The following UBE2H variants were observed in gnomAD, a reference collection of about 807,000 sequenced individuals.
The protein encoded by UBE2H is ubiquitin-conjugating enzyme E2 H.
UBE2H carries 3 observed loss-of-function variants against 29.0 expected under a neutral mutation model. That is an observed-to-expected ratio of 0.10 (90% CI 0.05 to 0.27). The LOEUF is 0.27. Ranked by LOEUF, UBE2H falls within the 10% of genes least tolerant of loss-of-function variation. The pLI, the probability that UBE2H is intolerant of heterozygous loss-of-function variation, is 1.00. For missense variants in UBE2H, 68 were observed against 228.2 expected (o/e 0.30, Z 4.52); for synonymous variants, 69 against 82.9 (o/e 0.83, Z 0.91).
chr7:129,906,494 G>A (rs1487097155), intron 1 of UBE2H, among the ~76,000 whole-genome samples: 1 of 151,988 alleles, frequency 6.6e-6, no homozygotes, highest in Non-Finnish European at 1.5e-5. Flanking sequence ...TGTGAGTCAC[G>A]CGCCCAGCCC....
At chr7:129,883,870 AGAAT>A (rs1806304227) in intron 1 of UBE2H, among the ~76,000 whole-genome samples, 1 of 152,052 alleles carries the variant, frequency 6.6e-6, no homozygotes, top group Non-Finnish European at 1.5e-5. Flanking sequence ...AAAAGAAAAA[AGAAT>A]GAATTGATAC....
chr7:129,883,795 T>C (rs566501215), intron 1 of UBE2H, among the ~76,000 whole-genome samples: 3 of 152,152 alleles, frequency 2.0e-5, no homozygotes, highest in South Asian at 4.2e-4. Flanking sequence ...TGAGCTGAGA[T>C]TGCACCACTG....
rs141703934 is a variant in UBE2H at position 129,925,815 on chromosome 7, G to A, written c.53+26688C>T. Among the ~76,000 whole-genome samples, 340 of 152,276 alleles carry A rather than the reference G, an allele frequency of 2.2e-3. 1 individual carries two copies. Among genetic ancestry groups the A allele is most frequent in the Non-Finnish European group, 3.8e-3 (258 of 68,036 alleles). ...AGCGATGCCTTTAAGATTAAGTAAT[G>A]CACTGAAGAGGGCTGGGAATACACA... is the stretch of plus-strand genomic sequence containing the variant. On this transcript the variant is annotated intron_variant, in intron 1 of 6. Transcript: ENST00000355621.
At chr7:129,856,609 G>A (rs1805710462) in intron 5 of UBE2H, among the ~76,000 whole-genome samples, 3 of 152,210 alleles carry the variant, frequency 2.0e-5, no homozygotes, top group Admixed American at 2.0e-4. Flanking sequence ...ACTGGAGTAG[G>A]TAGACTCTAT....
Position 129,899,504 on chromosome 7 carries a change from G to A in UBE2H, c.54-18533C>T, listed in dbSNP as rs576115573. Among the ~76,000 whole-genome samples the A allele has an allele frequency of 1.3e-3, 196 of 152,252 alleles. 1 individual carries two copies. The highest frequency in any genetic ancestry group is 2.4e-3 in the Non-Finnish European group (160 of 68,022). ...TGTTCACCAATCCAACAGAGCCCTG[G>A]CTAGGTGACCCATGGGGAAAAGCAT... On this transcript the variant is annotated intron_variant, in intron 1 of 6. Coordinates refer to ENST00000355621, the MANE Select transcript of UBE2H (RefSeq NM_003344.4).
chr7:129,839,935 C>T (rs1805398330), intron 5 of UBE2H, among the ~76,000 whole-genome samples: 1 of 152,180 alleles, frequency 6.6e-6, no homozygotes, highest in Non-Finnish European at 1.5e-5. Context: ...GTCTCAAACT[C>T]CTAACCTCAA....
chr7:129,923,803 A>C (rs1378348040), intron 1 of UBE2H, among the ~76,000 whole-genome samples: 3 of 152,218 alleles, frequency 2.0e-5, no homozygotes, highest in Non-Finnish European at 4.4e-5. Flanking sequence ...ATTCCACATG[A>C]AAAACAAAAC....
intron 1 of UBE2H, among the ~76,000 whole-genome samples, chr7:129,929,938 A>T (rs975922677): frequency 6.6e-6 from 1 of 152,092 alleles, no homozygotes; most frequent in Admixed American, 6.6e-5. Context: ...TGAACCCAGG[A>T]GGTGGAGGTT....
chr7:129,863,974 G>T (rs977608479), intron 3 of UBE2H, among the ~76,000 whole-genome samples: 1 of 151,820 alleles, frequency 6.6e-6, no homozygotes, highest in Non-Finnish European at 1.5e-5. Flanking sequence ...GTATTTTTTC[G>T]TAGAGATAGG....
intron 1 of UBE2H, among the ~76,000 whole-genome samples, chr7:129,931,653 G>A (rs1322740533): frequency 6.6e-6 from 1 of 152,062 alleles, no homozygotes; most frequent in African/African-American, 2.4e-5. Context: ...AATCTGGTAT[G>A]TTTTGAATGT....
chr7:129,842,771 C>T (rs1318214687), intron 5 of UBE2H, among the ~76,000 whole-genome samples: 2 of 151,754 alleles, frequency 1.3e-5, no homozygotes, highest in Non-Finnish European at 1.5e-5. Context: ...GGTGTGGTGG[C>T]AGGTGCCTGT....
chr7:129,919,100 T>TAAAAAAAAAAAAAAAAAAAAAG (rs1807103865), intron 1 of UBE2H, among the ~76,000 whole-genome samples: 1 of 72,182 alleles, frequency 1.4e-5, no homozygotes, highest in African/African-American at 6.3e-5. Flanking sequence ...AAAAACAAAG[T>TAAAAAAAAAAAAAAAAAAAAAG]AAAAAAAAAA....
At chr7:129,894,142 T>A (rs1016489941) in intron 1 of UBE2H, among the ~76,000 whole-genome samples, 1 of 150,946 alleles carries the variant, frequency 6.6e-6, no homozygotes, top group Non-Finnish European at 1.5e-5. Flanking sequence ...CAACAGAGAC[T>A]CTGTCTCAAA....
At chr7:129,855,564 GACA>G (rs1805688508) in intron 5 of UBE2H, among the ~76,000 whole-genome samples, 1 of 152,166 alleles carries the variant, frequency 6.6e-6, no homozygotes, top group Non-Finnish European at 1.5e-5. Context: ...CACTCATTAA[GACA>G]ACAAATAGTC....
intron 5 of UBE2H, among the ~76,000 whole-genome samples, chr7:129,847,835 G>A (rs1461557502): frequency 6.6e-6 from 1 of 151,538 alleles, no homozygotes; most frequent in Non-Finnish European, 1.5e-5. Flanking sequence ...TAACGCCCTG[G>A]CTCTCAGGCT....
chr7:129,912,220 G>A (rs1410769936), intron 1 of UBE2H, among the ~76,000 whole-genome samples: 1 of 152,120 alleles, frequency 6.6e-6, no homozygotes, highest in Non-Finnish European at 1.5e-5. Flanking sequence ...GAGTTGAATA[G>A]TTGCAAAAAA....
At chr7:129,938,069 T>G (rs1430929052) in intron 1 of UBE2H, among the ~76,000 whole-genome samples, 1 of 152,090 alleles carries the variant, frequency 6.6e-6, no homozygotes, top group Non-Finnish European at 1.5e-5. Context: ...CTACACATAC[T>G]GAAAATTCTT....
At chr7:129,938,590 G>A (rs1807578057) in intron 1 of UBE2H, among the ~76,000 whole-genome samples, 1 of 118,084 alleles carries the variant, frequency 8.5e-6, no homozygotes, top group South Asian at 3.3e-4. Context: ...GCACATGCCT[G>A]TAATCCCAGC....
intron 5 of UBE2H, among the ~76,000 whole-genome samples, chr7:129,855,727 A>C (rs930894422): frequency 3.3e-5 from 5 of 152,168 alleles, no homozygotes; most frequent in African/African-American, 1.2e-4. Flanking sequence ...CCAGTTTTAG[A>C]AGCTTATTGA....
Sources: gnomAD v4.1 joint callset for allele counts (sites outside exome capture counted in the v4.1 genomes callset) on GRCh38, gnomAD v4.1.1 for gene constraint, MANE v1.5 for transcripts, NCBI Gene and HGNC (gene_info 2026-07-23, HGNC 2026-07-21) for gene names.